The following BICRAL variants were observed in gnomAD, a reference collection of about 807,000 sequenced individuals.
BICRAL encodes the protein BRD4-interacting chromatin-remodeling complex-associated protein-like.
A neutral mutation model predicts 91.8 loss-of-function variants in BICRAL; 8 were observed. That is an observed-to-expected ratio of 0.09 (90% CI 0.05 to 0.16). BICRAL has a LOEUF of 0.16. Ranked by LOEUF, BICRAL falls within the 10% of genes least tolerant of loss-of-function variation. The probability of loss-of-function intolerance (pLI) is 1.00; values close to 1 mark genes in which losing one functional copy is unlikely to be tolerated. For synonymous variants in BICRAL, 445 were observed against 491.1 expected (o/e 0.91, Z 1.24); for missense variants, 1,038 against 1,310.9 (o/e 0.79, Z 3.21).
At chr6:42,809,255 A>C (rs558353347) in intron 1 of BICRAL, among the ~76,000 whole-genome samples, 2 of 151,978 alleles carry the variant, frequency 1.3e-5, no homozygotes, top group South Asian at 4.2e-4. Context: ...ATGTCCCTGC[A>C]AAGGATATGA....
chr6:42,794,380 A>G (rs1763359611), intron 1 of BICRAL, among the ~76,000 whole-genome samples: 1 of 151,838 alleles, frequency 6.6e-6, no homozygotes, highest in South Asian at 2.1e-4. Flanking sequence ...TGTTACATAA[A>G]ATACTTAATG....
chr6:42,851,497 A>G (rs1765178975), intron 6 of BICRAL, among the ~76,000 whole-genome samples: 1 of 152,238 alleles, frequency 6.6e-6, no homozygotes. Context: ...ACATTGGATT[A>G]ATTTTTCTAA....
chr6:42,751,654 C>CTT (rs1190737893), intron 1 of BICRAL, among the ~76,000 whole-genome samples: 1,605 of 116,520 alleles, frequency 0.014, 40 homozygotes, highest in African/African-American at 0.032. Context: ...TCTTTCTTTT[C>CTT]TTTTTTTTTT....
intron 6 of BICRAL, among the ~76,000 whole-genome samples, chr6:42,844,184 G>A (rs1764905950): frequency 6.6e-6 from 1 of 150,798 alleles, no homozygotes; most frequent in Non-Finnish European, 1.5e-5. Flanking sequence ...AACAGCCAGA[G>A]GAGAACCCCA....
intron 1 of BICRAL, among the ~76,000 whole-genome samples, chr6:42,785,542 CAAG>C (rs1463694712): frequency 8.5e-6 from 1 of 117,912 alleles, no homozygotes; most frequent in African/African-American, 3.6e-5. Context: ...GTCCGGGAAA[CAAG>C]AACGAAACTC....
intron 2 of BICRAL, among the ~76,000 whole-genome samples, chr6:42,811,470 A>G (rs937244305): frequency 1.3e-5 from 2 of 151,690 alleles, no homozygotes; most frequent in Admixed American, 1.3e-4. Context: ...AAAATACAAA[A>G]ATTAGCTGGG....
At chr6:42,800,460 G>A (rs772614740) in intron 1 of BICRAL, among the ~76,000 whole-genome samples, 3 of 152,054 alleles carry the variant, frequency 2.0e-5, no homozygotes, top group African/African-American at 4.8e-5. Flanking sequence ...CACCACGCCC[G>A]GCCTTAAATC....
At chr6:42,828,179 C>T (rs949719391) in intron 5 of BICRAL, among the ~76,000 whole-genome samples, 2 of 151,702 alleles carry the variant, frequency 1.3e-5, no homozygotes, top group African/African-American at 4.8e-5. Flanking sequence ...TTTGGGAGGC[C>T]GAGGCGGGCA....
chr6:42,857,614 A>AAAAAAAAATAT, intron 10 of BICRAL, among the ~76,000 whole-genome samples: 98 of 96,192 alleles, frequency 1.0e-3, no homozygotes, highest in Non-Finnish European at 1.5e-3. Flanking sequence ...AAAAAAAAAA[A>AAAAAAAAATAT]ATATATATAT....
chr6:42,859,944 C>T (rs1265954231), intron 10 of BICRAL, among the ~76,000 whole-genome samples: 1 of 152,092 alleles, frequency 6.6e-6, no homozygotes, highest in East Asian at 1.9e-4. Context: ...CGTGCCCGGC[C>T]TACTCATTGA....
At chr6:42,757,652 G>T (rs1430624262) in intron 1 of BICRAL, among the ~76,000 whole-genome samples, 1 of 152,206 alleles carries the variant, frequency 6.6e-6, no homozygotes, top group Non-Finnish European at 1.5e-5. Flanking sequence ...CTCCCAAATT[G>T]CTGGGATTAC....
At chr6:42,823,047 T>G (rs1292945161) in intron 5 of BICRAL, 44 bp downstream of exon 5, 2 of 1,147,730 alleles carry the variant, frequency 1.7e-6, no homozygotes, top group African/African-American at 1.5e-5. Context: ...GGTTTCTGTC[T>G]GATTGATGCC....
intron 1 of BICRAL, among the ~76,000 whole-genome samples, chr6:42,784,830 G>T (rs1161840610): frequency 6.6e-6 from 1 of 152,034 alleles, no homozygotes; most frequent in Non-Finnish European, 1.5e-5. Flanking sequence ...TTAATAATGT[G>T]TCAGGCACTC....
intron 6 of BICRAL, among the ~76,000 whole-genome samples, chr6:42,832,112 C>T (rs939107291): frequency 2.6e-5 from 4 of 151,458 alleles, no homozygotes; most frequent in Non-Finnish European, 5.9e-5. Context: ...CTTTGGGAGG[C>T]CAAGGTGGGC....
intron 1 of BICRAL, among the ~76,000 whole-genome samples, chr6:42,755,314 G>A (rs1055272613): frequency 6.6e-6 from 1 of 152,156 alleles, no homozygotes; most frequent in Non-Finnish European, 1.5e-5. Context: ...GGTCAGAGGG[G>A]AAAAGCTCAT....
At chr6:42,853,000 G>A (rs1765239161) in intron 7 of BICRAL, among the ~76,000 whole-genome samples, 1 of 150,938 alleles carries the variant, frequency 6.6e-6, no homozygotes. Flanking sequence ...GGGAGGTCGA[G>A]GCTGCAGTGA....
At chr6:42,804,213 G>A (rs1320785520) in intron 1 of BICRAL, among the ~76,000 whole-genome samples, 1 of 152,148 alleles carries the variant, frequency 6.6e-6, no homozygotes, top group East Asian at 1.9e-4. Flanking sequence ...GTAGAGACAA[G>A]GTTTCTCCAT....
intron 1 of BICRAL, among the ~76,000 whole-genome samples, chr6:42,760,255 C>T (rs1024378829): frequency 2.1e-5 from 3 of 146,320 alleles, no homozygotes; most frequent in Non-Finnish European, 4.5e-5. Context: ...AGCAAAACTC[C>T]ATCTCAAAAC....
intron 11 of BICRAL, among the ~76,000 whole-genome samples, chr6:42,860,691 T>C (rs533871184): frequency 3.1e-4 from 47 of 152,358 alleles, no homozygotes; most frequent in African/African-American, 1.1e-3. Flanking sequence ...GTCCACACTC[T>C]GATGCCATCT....
Sources: allele counts gnomAD v4.1 joint callset (sites outside exome capture counted in the v4.1 genomes callset), GRCh38; gene constraint gnomAD v4.1.1; transcripts MANE v1.5; gene names NCBI Gene and HGNC (gene_info 2026-07-23, HGNC 2026-07-21).